The following IL34 variants were observed in gnomAD, a reference collection of about 807,000 sequenced individuals.
IL34 encodes interleukin 34.
A neutral mutation model predicts 25.3 loss-of-function variants in IL34; 17 were observed. The ratio of observed to expected loss-of-function variants is 0.67; its 90% CI spans 0.46 to 1.01. IL34 has a LOEUF of 1.01. IL34 is among the 50% of genes least tolerant of loss of function. The probability of loss-of-function intolerance (pLI) is 0.00; values close to 1 mark genes in which losing one functional copy is unlikely to be tolerated. For synonymous variants in IL34, 174 were observed against 140.9 expected (o/e 1.23, Z -1.66); for missense variants, 368 against 312.9 (o/e 1.18, Z -1.33).
upstream of IL34, among the ~76,000 whole-genome samples, chr16:70,643,906 T>C (rs1389138457): frequency 6.6e-6 from 1 of 152,146 alleles, no homozygotes; most frequent in African/African-American, 2.4e-5. Flanking sequence ...ATGTTTGAGA[T>C]TTGCTTTAAA....
chr16:70,656,733 G>T (rs1014298549), intron 3 of IL34, 54 bp downstream of exon 3: 32 of 1,001,316 alleles, frequency 3.2e-5, no homozygotes, highest in Non-Finnish European at 5.0e-5. Flanking sequence ...CATCCGGTGG[G>T]CCCCAGCCTC....
chr16:70,640,180 C>T (rs1292719906), intron 1 of IL34, among the ~76,000 whole-genome samples: 1 of 152,100 alleles, frequency 6.6e-6, no homozygotes, highest in Non-Finnish European at 1.5e-5. Context: ...CTCACTCTAT[C>T]ACCCAGGCTG....
chr16:70,639,365 G>A (rs985794633), intron 1 of IL34, among the ~76,000 whole-genome samples: 4 of 152,298 alleles, frequency 2.6e-5, no homozygotes, highest in Admixed American at 2.6e-4. Flanking sequence ...GAAATAGGAG[G>A]AAAGCACAAT....
At chr16:70,628,733 C>T (rs536445085) in intron 1 of IL34, among the ~76,000 whole-genome samples, 130 of 150,952 alleles carry the variant, frequency 8.6e-4, no homozygotes, top group African/African-American at 2.9e-3. Flanking sequence ...TTGATCCACC[C>T]GCCTTGGCCT....
Position 70,646,768 on chromosome 16 carries a change from C to T in IL34, c.-180C>T, listed in dbSNP as rs1417587138. ...CTCCACGCTGCCGGGCAGATAAGGG[C>T]AGCTGCTGCCCTTGGGGCACCTGCT... On this transcript the variant is annotated 5_prime_UTR_variant, in exon 1 of 6. Coordinates refer to ENST00000288098, the MANE Select transcript of IL34 (RefSeq NM_001393494.1). The T allele has an allele frequency of 7.2e-6, 4 of 553,914 alleles. No homozygotes were observed. The highest frequency in any genetic ancestry group is 4.0e-5 in the African/African-American group (2 of 49,830). 34.3% of individuals were successfully genotyped at this position (553,914 alleles called of 1,614,324 possible).
rs1253810022 is a variant in IL34, at chr16:70,599,305, C to CTTTCTTTCTTTCTTTCTTCT, written c.-401+19258_-401+19259insTCTTTCTTTCTTTCTTCTTT. On this transcript the variant is annotated intron_variant, in intron 1 of 6. Coordinates refer to the IL34 transcript ENST00000429149. ...TCTTTCTTTCTTTCTTCTTTCTTTCCTTCTTTCTTTCTTTTCTTTCTTTCT... is the reference window on the plus strand; with the variant it reads ...TCTTTCTTTCTTTCTTCTTTCTTTCCTTTCTTTCTTTCTTTCTTCTTTCTTTCTTTCTTTTCTTTCTTTCT... Among the ~76,000 whole-genome samples, 628 of 60,260 alleles carry CTTTCTTTCTTTCTTTCTTCT rather than the reference C, an allele frequency of 0.01. 11 individuals carry two copies. The East Asian group carries it at 0.12, about 12-fold the overall frequency. 39.5% of individuals were successfully genotyped at this position (60,260 alleles called of 152,430 possible). A position where few individuals can be genotyped will look rare whatever the true frequency, so the allele number is the denominator to read the frequency against.
intron 1 of IL34, among the ~76,000 whole-genome samples, chr16:70,617,482 A>G (rs2051191311): frequency 6.6e-6 from 1 of 152,146 alleles, no homozygotes; most frequent in Admixed American, 6.5e-5. Context: ...AGGGATGACA[A>G]GTTTTTTTGG....
At chr16:70,600,754 C>T (rs560365174) in intron 1 of IL34, among the ~76,000 whole-genome samples, 9 of 152,114 alleles carry the variant, frequency 5.9e-5, no homozygotes, top group East Asian at 3.9e-4. Context: ...CTGGCTTGGA[C>T]GTGGAAAAAA....
chr16:70,645,993 C>T (rs2151869249), upstream of IL34, among the ~76,000 whole-genome samples: 1 of 152,298 alleles, frequency 6.6e-6, no homozygotes, highest in East Asian at 1.9e-4. Flanking sequence ...GTGGAGGCTG[C>T]AGTGAGCCAA....
At chr16:70,641,846 G>A (rs2051792540), upstream of IL34, among the ~76,000 whole-genome samples, 1 of 151,952 alleles carries the variant, frequency 6.6e-6, no homozygotes, top group Admixed American at 6.6e-5. Context: ...GGAATTATAG[G>A]CATGAGCCAC....
At chr16:70,640,695 G>A (rs977563666) in intron 1 of IL34, among the ~76,000 whole-genome samples, 1 of 151,762 alleles carries the variant, frequency 6.6e-6, no homozygotes, top group African/African-American at 2.4e-5. Context: ...TTTAAGTCAG[G>A]CCTTTTGCAG....
At chr16:70,584,586 C>A (rs908837387) in intron 1 of IL34, among the ~76,000 whole-genome samples, 2 of 152,202 alleles carry the variant, frequency 1.3e-5, no homozygotes, top group African/African-American at 2.4e-5. Flanking sequence ...AGGACTCCAC[C>A]ACCAAGTCCC....
chr16:70,646,003 A>G (rs1296085557), upstream of IL34, among the ~76,000 whole-genome samples: 2 of 152,202 alleles, frequency 1.3e-5, no homozygotes, highest in Non-Finnish European at 2.9e-5. Context: ...CAGTGAGCCA[A>G]AATCACGCCA....
Position 70,657,293 on chromosome 16 carries a change from G to A in IL34, c.402+172G>A. On this transcript the variant is annotated intron_variant, in intron 4 of 5. Transcript: ENST00000288098. ...AGGGGTGCAGGAAAAGAGGCCTGTG[G>A]AAGGAAGAGGCAGCCGTGGTGGTCA... The A allele has an allele frequency of 7.4e-6, 5 of 675,764 alleles. 1 individual carries two copies. The South Asian group carries it at 9.7e-5, about 13-fold the overall frequency. The allele number at this position is 675,764 out of a possible 1,614,324, so 41.9% of individuals were successfully genotyped here.
chr16:70,649,987 T>G (rs569085817), intron 1 of IL34, among the ~76,000 whole-genome samples: 1 of 152,200 alleles, frequency 6.6e-6, no homozygotes, highest in South Asian at 2.1e-4. Flanking sequence ...TTAGTAGCGA[T>G]GGGGTTTCAC....
At chr16:70,622,560 C>T (rs572635904) in intron 1 of IL34, among the ~76,000 whole-genome samples, 23 of 151,874 alleles carry the variant, frequency 1.5e-4, no homozygotes, top group East Asian at 7.7e-4. Flanking sequence ...ATAAATCAAG[C>T]GTGATCAGGG....
intron 1 of IL34, among the ~76,000 whole-genome samples, chr16:70,628,534 T>A (rs1334521943): frequency 6.6e-6 from 1 of 151,728 alleles, no homozygotes; most frequent in Admixed American, 6.6e-5. Context: ...TTGCCCAGGC[T>A]GGAATGCAAT....
At chr16:70,625,018 T>C (rs1234590924) in intron 1 of IL34, among the ~76,000 whole-genome samples, 2 of 152,074 alleles carry the variant, frequency 1.3e-5, no homozygotes, top group Non-Finnish European at 2.9e-5. Flanking sequence ...CCTCAGACCA[T>C]TTGTCTATTT....
chr16:70,656,655 C>T lies in IL34; in HGVS notation c.216C>T (p.Phe72=), dbSNP rs901369354. 1 of 1,443,438 alleles carries T rather than the reference C, an allele frequency of 6.9e-7. No homozygotes were observed. The highest frequency in any genetic ancestry group is 1.4e-5 in the African/African-American group (1 of 71,778). 89.4% of individuals were successfully genotyped at this position (1,443,438 alleles called of 1,614,324 possible). The change falls in exon 3 of 6, where the codon TTC becomes TTT. Residue 72 remains phenylalanine (F), a synonymous_variant. Transcript: ENST00000288098. ...TCAGTGTGCCTTACGAGGGGGTGTT[C>T]AGAATCGCCAACGTCACCAGGCTGG... ...YKISVPYEGV[F]RIANVTRLQR... is the part of the protein sequence containing the mutation.
Sources: gnomAD v4.1 joint callset for allele counts (sites outside exome capture counted in the v4.1 genomes callset) on GRCh38, gnomAD v4.1.1 for gene constraint, MANE v1.5 for transcripts, NCBI Gene and HGNC (gene_info 2026-07-23, HGNC 2026-07-21) for gene names.